Variants in ILRUN observed in about 807,000 individuals in gnomAD.
The protein encoded by ILRUN is inflammation and lipid regulator with UBA-like and NBR1-like domains, also known as protein ILRUN.
ILRUN carries 3 observed loss-of-function variants against 33.8 expected under a neutral mutation model. The observed-to-expected ratio is 0.09, with a 90% CI of 0.04 to 0.23. ILRUN has a LOEUF of 0.23. Ranked by LOEUF, ILRUN falls within the 10% of genes least tolerant of loss-of-function variation. The pLI is 1.00. For missense variants in ILRUN, 210 were observed against 375.1 expected, an observed-to-expected ratio of 0.56 and a Z score of 3.64; for synonymous variants, 124 against 138.9, an observed-to-expected ratio of 0.89 and a Z score of 0.75.
Position 34,688,905 on chromosome 6 carries a change from G to A in ILRUN, c.158+7541C>T, listed in dbSNP as rs145904284. Among the ~76,000 whole-genome samples the A allele has an allele frequency of 2.0e-4, 30 of 152,092 alleles. No homozygotes were observed. The East Asian group carries it at 5.2e-3, about 26-fold the overall frequency. ...GAACCTGGGAGGCGGAGGTTACAGC[G>A]AGCCAAGATCACGTCATTTCACTCC... On this transcript the variant is annotated intron_variant, in intron 1 of 4. Coordinates refer to ENST00000374023, the MANE Select transcript of ILRUN (RefSeq NM_024294.4).
rs571343614 is a variant in ILRUN, at chr6:34,615,246, C to T, written c.512-8342G>A. Among the ~76,000 whole-genome samples, 6 of 152,260 alleles carry T rather than the reference C, an allele frequency of 3.9e-5. No homozygotes were observed. The South Asian group carries it at 1.0e-3, about 26-fold the overall frequency. Reference sequence around the variant, plus strand: ...GTAAACCTAATTATTACAAAACATACACTAAAATACATTGGTACAGTATTA... The same window carrying T: ...GTAAACCTAATTATTACAAAACATATACTAAAATACATTGGTACAGTATTA... On this transcript the variant is annotated intron_variant, in intron 3 of 4. Coordinates refer to ENST00000374023, the MANE Select transcript of ILRUN (RefSeq NM_024294.4).
At chr6:34,650,092 TA>T (rs111613200) in intron 2 of ILRUN, among the ~76,000 whole-genome samples, 25,126 of 152,080 alleles carry the variant, frequency 0.17, 2,260 homozygotes, top group African/African-American at 0.22. Flanking sequence ...AGAGAAACAC[TA>T]GGGTTATCAT....
At chr6:34,657,356 G>A (rs966409104) in intron 1 of ILRUN, among the ~76,000 whole-genome samples, 1 of 152,132 alleles carries the variant, frequency 6.6e-6, no homozygotes, top group African/African-American at 2.4e-5. Flanking sequence ...ATCAGGATAG[G>A]ACTTTAAGAC....
intron 4 of ILRUN, chr6:34,595,781 A>G: frequency 1.0e-6 from 1 of 985,440 alleles, no homozygotes; most frequent in Non-Finnish European, 1.2e-6. Context: ...ACAGGTTAAT[A>G]AAAAGACAAG....
At chr6:34,675,762 A>C (rs1763215972) in intron 1 of ILRUN, among the ~76,000 whole-genome samples, 1 of 152,222 alleles carries the variant, frequency 6.6e-6, no homozygotes, top group South Asian at 2.1e-4. Flanking sequence ...AAATCAATGA[A>C]GGAAAGAATG....
chr6:34,678,325 G>C (rs1763283212), intron 1 of ILRUN, among the ~76,000 whole-genome samples: 1 of 152,132 alleles, frequency 6.6e-6, no homozygotes, highest in South Asian at 2.1e-4. Flanking sequence ...TCAGGCGTGA[G>C]CCACCACACC....
At chr6:34,657,385 A>C (rs1041098113) in intron 1 of ILRUN, among the ~76,000 whole-genome samples, 2 of 152,240 alleles carry the variant, frequency 1.3e-5, no homozygotes, top group African/African-American at 4.8e-5. Flanking sequence ...TAGGAACACT[A>C]GTAAGTGGGA....
rs367775900 is a variant in ILRUN at position 34,590,535 on chromosome 6, T to A, written c.*30A>T. ...CCCCCAAAGTCAGGCCTTCTGTCTT[T>A]TGTTAATTTTTCTTCTTGCTGACAC... On this transcript the variant is annotated 3_prime_UTR_variant, in exon 5 of 5. Transcript: ENST00000374023. 7 of 1,613,870 alleles carry A rather than the reference T, an allele frequency of 4.3e-6. No individual in the cohort carries two copies. Among genetic ancestry groups the A allele is most frequent in the Non-Finnish European group, 5.9e-6 (7 of 1,179,806 alleles).
intron 3 of ILRUN, among the ~76,000 whole-genome samples, chr6:34,629,240 G>A (rs1252490004): frequency 6.6e-6 from 1 of 152,180 alleles, no homozygotes; most frequent in Non-Finnish European, 1.5e-5. Flanking sequence ...ACAGACAAAA[G>A]CCTATTCAAG....
intron 2 of ILRUN, among the ~76,000 whole-genome samples, chr6:34,650,514 T>C (rs1450437160): frequency 6.6e-6 from 1 of 151,942 alleles, no homozygotes; most frequent in African/African-American, 2.4e-5. Context: ...CACTGCAACC[T>C]CCACCTCCCA....
At chr6:34,651,587 T>C (rs1762669606) in intron 2 of ILRUN, among the ~76,000 whole-genome samples, 1 of 152,122 alleles carries the variant, frequency 6.6e-6, no homozygotes, top group Admixed American at 6.6e-5. Context: ...CTAACAACTT[T>C]CAGTATTTAA....
intron 3 of ILRUN, among the ~76,000 whole-genome samples, chr6:34,643,537 C>G (rs954448175): frequency 1.8e-4 from 28 of 151,986 alleles, no homozygotes; most frequent in African/African-American, 6.8e-4. Flanking sequence ...AATGGACACC[C>G]AGTTTTCTTC....
chr6:34,603,758 C>T (rs1464976465), intron 4 of ILRUN, among the ~76,000 whole-genome samples: 1 of 152,190 alleles, frequency 6.6e-6, no homozygotes, highest in Non-Finnish European at 1.5e-5. Context: ...TTGCTTTGTG[C>T]ATGTTTCATT....
At chr6:34,658,267 C>G (rs1408612464) in intron 1 of ILRUN, among the ~76,000 whole-genome samples, 1 of 151,418 alleles carries the variant, frequency 6.6e-6, no homozygotes, top group African/African-American at 2.4e-5. Context: ...TTGCTTGAAC[C>G]CAGGAGGCGG....
intron 3 of ILRUN, among the ~76,000 whole-genome samples, chr6:34,629,751 C>A (rs1182450682): frequency 6.6e-6 from 1 of 152,140 alleles, no homozygotes; most frequent in African/African-American, 2.4e-5. Flanking sequence ...AATATTGTTT[C>A]TGTTCCTTTC....
intron 1 of ILRUN, among the ~76,000 whole-genome samples, chr6:34,673,202 AG>A (rs1763152378): frequency 6.6e-6 from 1 of 152,206 alleles, no homozygotes; most frequent in Non-Finnish European, 1.5e-5. Context: ...ACTTTCAGGA[AG>A]CTTAAAAAAA....
At chr6:34,659,411 C>T (rs1402950982) in intron 1 of ILRUN, among the ~76,000 whole-genome samples, 1 of 152,112 alleles carries the variant, frequency 6.6e-6, no homozygotes, top group Non-Finnish European at 1.5e-5. Flanking sequence ...TTCAGAGCCA[C>T]ACCTATTCAA....
Position 34,592,667 on chromosome 6 carries a change from A to G in ILRUN, c.862-2067T>C, listed in dbSNP as rs1400186614. ...TGAGCCACTGCGCCTGGCCTTTGCC[A>G]TTACTTTTAATGGCAAAAAATGCAG... On this transcript the variant is annotated intron_variant, in intron 4 of 4. Coordinates refer to ENST00000374023, the MANE Select transcript of ILRUN (RefSeq NM_024294.4). The surrounding 1 kb of genome is among the most constrained non-coding windows in gnomAD (Gnocchi z 4.0). Among the ~76,000 whole-genome samples, 2 of 152,076 alleles carry G rather than the reference A, an allele frequency of 1.3e-5. No homozygotes were observed. The highest frequency in any genetic ancestry group is 2.9e-5 in the Non-Finnish European group (2 of 68,010).
At chr6:34,641,057 C>T (rs1762464866) in intron 3 of ILRUN, among the ~76,000 whole-genome samples, 2 of 131,084 alleles carry the variant, frequency 1.5e-5, no homozygotes, top group South Asian at 4.9e-4. Context: ...CCAGCCTGGG[C>T]GACAGAGCAG....
Sources: gnomAD v4.1 joint callset for allele counts (sites outside exome capture counted in the v4.1 genomes callset) on GRCh38, gnomAD v4.1.1 for gene constraint, Gnocchi (gnomAD v3.1) non-coding constraint, MANE v1.5 for transcripts, NCBI Gene and HGNC (gene_info 2026-07-23, HGNC 2026-07-21) for gene names.